The following LRP1B variants were observed in gnomAD, a reference collection of about 807,000 sequenced individuals.
LRP1B encodes the protein LDL receptor related protein 1B, also known as low-density lipoprotein receptor-related protein 1B.
LRP1B carries 217 observed loss-of-function variants against 556.6 expected under a neutral mutation model. The ratio of observed to expected loss-of-function variants is 0.39; its 90% confidence interval spans 0.35 to 0.44. The LOEUF is 0.44. Ranked by LOEUF, LRP1B falls within the 20% of genes least tolerant of loss-of-function variation. LRP1B has a pLI of 1.00. For missense variants in LRP1B, 5,053 were observed against 5,620.8 expected, an observed-to-expected ratio of 0.90 and a Z score of 3.23; for synonymous variants, 2,047 against 1,865.8, an observed-to-expected ratio of 1.10 and a Z score of -2.50.
At chr2:141,954,507 C>G (rs148358446) in intron 1 of LRP1B, among the ~76,000 whole-genome samples, 43 of 152,132 alleles carry the variant, frequency 2.8e-4, no homozygotes, top group African/African-American at 9.4e-4. Flanking sequence ...ACTTAATAAC[C>G]CCAATGCTCA....
rs1374165775 is a variant in LRP1B, at chr2:141,108,897, C to A, written c.1014-46624G>T. Among the ~76,000 whole-genome samples, 4 of 152,006 alleles carry A rather than the reference C, an allele frequency of 2.6e-5. 1 individual carries two copies. Among genetic ancestry groups the A allele is most frequent in the Middle Eastern group, 6.3e-3 (2 of 316 alleles). The stretch of plus-strand genomic sequence containing the variant: ...GATAATAGCCCTTCTCTGAACTAAC[C>A]CCCTTTTGTAAAACTAATGAAATAC... On this transcript the variant is annotated intron_variant, in intron 7 of 90. Transcript: ENST00000389484.
chr2:141,353,943 A>G (rs1392180398), intron 3 of LRP1B, among the ~76,000 whole-genome samples: 1 of 152,000 alleles, frequency 6.6e-6, no homozygotes, highest in African/African-American at 2.4e-5. Flanking sequence ...TCTTCATGCT[A>G]TGTCATACTG....
chr2:141,950,190 A>T (rs1340383401), intron 1 of LRP1B, among the ~76,000 whole-genome samples: 1 of 152,188 alleles, frequency 6.6e-6, no homozygotes, highest in African/African-American at 2.4e-5. Context: ...AGGCTTTAAA[A>T]TGTTAAATAT....
chr2:140,841,243 C>T (rs2105098920), intron 29 of LRP1B, 151 bp from the exon 30 acceptor site: 1 of 553,644 alleles, frequency 1.8e-6, no homozygotes. Flanking sequence ...ATTCCCTTAT[C>T]AGCCCTTCTT....
chr2:141,670,013 A>C (rs976648704), intron 2 of LRP1B, among the ~76,000 whole-genome samples: 6 of 152,160 alleles, frequency 3.9e-5, no homozygotes, highest in Non-Finnish European at 8.8e-5. Flanking sequence ...TAGGCATCCC[A>C]AAGTGCTGGG....
At chr2:141,116,057 T>A (rs1392174515) in intron 7 of LRP1B, among the ~76,000 whole-genome samples, 1 of 152,156 alleles carries the variant, frequency 6.6e-6, no homozygotes, top group Non-Finnish European at 1.5e-5. Flanking sequence ...AGTTTTCTTT[T>A]TTCCTGTGAA....
intron 1 of LRP1B, among the ~76,000 whole-genome samples, chr2:142,062,293 T>C (rs1179222928): frequency 2.0e-5 from 3 of 151,878 alleles, no homozygotes; most frequent in East Asian, 1.9e-4. Flanking sequence ...GTCACCTCTC[T>C]GACCTCTAAA....
chr2:140,824,830 G>C (rs574538481), intron 31 of LRP1B, among the ~76,000 whole-genome samples: 43 of 151,958 alleles, frequency 2.8e-4, no homozygotes, highest in Non-Finnish European at 2.8e-4. Context: ...ATTCAACTGA[G>C]ACATATCAAT....
intron 2 of LRP1B, among the ~76,000 whole-genome samples, chr2:141,705,283 T>C (rs1692096304): frequency 1.3e-5 from 2 of 152,028 alleles, no homozygotes; most frequent in Non-Finnish European, 2.9e-5. Flanking sequence ...ACCTTATTTT[T>C]TTGAACGTCA....
intron 41 of LRP1B, among the ~76,000 whole-genome samples, chr2:140,605,360 A>G (rs1682829059): frequency 6.6e-6 from 1 of 152,094 alleles, no homozygotes; most frequent in Non-Finnish European, 1.5e-5. Flanking sequence ...GTTTCCAAGG[A>G]TACAGGTCCA....
At chr2:140,696,040 T>C (rs1686418602) in intron 41 of LRP1B, among the ~76,000 whole-genome samples, 1 of 152,166 alleles carries the variant, frequency 6.6e-6, no homozygotes, top group African/African-American at 2.4e-5. Context: ...TTTTAACACC[T>C]AAAAATATGA....
At chr2:140,536,734 A>G (rs1254222061) in intron 45 of LRP1B, 25 bp from the exon 46 acceptor site, 11 of 1,571,674 alleles carry the variant, frequency 7.0e-6, no homozygotes, top group Admixed American at 2.0e-5. Context: ...AAAAAAGTCA[A>G]TACTTTTGTG....
chr2:141,181,656 A>C (rs1681000873), intron 7 of LRP1B, among the ~76,000 whole-genome samples: 2 of 151,966 alleles, frequency 1.3e-5, no homozygotes, highest in South Asian at 4.1e-4. Context: ...ATGAGAGTCA[A>C]ATCAATTTGC....
chr2:141,938,755 T>C (rs1700708326), intron 1 of LRP1B, among the ~76,000 whole-genome samples: 1 of 39,016 alleles, frequency 2.6e-5, no homozygotes, highest in Non-Finnish European at 6.0e-5. Flanking sequence ...TCTCTCTCCA[T>C]ATATGTGTGT....
At chr2:140,332,501 T>G (rs1680865013) in intron 79 of LRP1B, among the ~76,000 whole-genome samples, 1 of 152,068 alleles carries the variant, frequency 6.6e-6, no homozygotes, top group Non-Finnish European at 1.5e-5. Context: ...GAGTATCCAA[T>G]TCCTCACTGG....
At chr2:141,200,666 T>G (rs1401311) in intron 6 of LRP1B, among the ~76,000 whole-genome samples, 56,601 of 151,818 alleles carry the variant, frequency 0.37, 11,761 homozygotes, top group Middle Eastern at 0.55. Context: ...TCCCCATCAA[T>G]GTATACCATT....
At chr2:140,432,065 C>A (rs950472944) in intron 66 of LRP1B, among the ~76,000 whole-genome samples, 1 of 152,096 alleles carries the variant, frequency 6.6e-6, no homozygotes, top group African/African-American at 2.4e-5. Flanking sequence ...ATGGCCGGTT[C>A]CCGCCTTAAC....
chr2:140,748,376 TATATATTCATATA>T (rs1229777338), intron 35 of LRP1B, among the ~76,000 whole-genome samples: 1 of 85,148 alleles, frequency 1.2e-5, no homozygotes, highest in Admixed American at 1.6e-4. Flanking sequence ...TATATATGTA[TATATATTCATATA>T]TTATATTCAT....
chr2:141,016,078 A>G (rs762238978), intron 12 of LRP1B, among the ~76,000 whole-genome samples, 163 bp from the exon 13 acceptor site: 9 of 152,104 alleles, frequency 5.9e-5, no homozygotes, highest in Non-Finnish European at 8.8e-5. Context: ...GTGAAGTTTT[A>G]AAGAAAGCAA....
Sources: allele counts gnomAD v4.1 joint callset (sites outside exome capture counted in the v4.1 genomes callset), GRCh38; gene constraint gnomAD v4.1.1; transcripts MANE v1.5; gene names NCBI Gene and HGNC (gene_info 2026-07-23, HGNC 2026-07-21).